BRAP: variants seen among roughly 807,000 people sequenced by gnomAD.
BRAP encodes the protein BRCA1 associated protein.
Under a neutral mutation model 73.4 loss-of-function variants are expected in BRAP, and 42 were observed. The observed-to-expected ratio is 0.57, with a 90% CI of 0.45 to 0.74. The LOEUF is 0.74. Among genes scored for constraint, BRAP ranks in the 30% least tolerant of loss-of-function variants. The probability of loss-of-function intolerance (pLI) is 0.00; values close to 1 mark genes in which losing one functional copy is unlikely to be tolerated. For missense variants in BRAP, 593 were observed against 751.4 expected, an observed-to-expected ratio of 0.79 and a Z score of 2.46; for synonymous variants, 255 against 267.4, an observed-to-expected ratio of 0.95 and a Z score of 0.45.
Position 111,682,999 on chromosome 12 carries a change from G to A in BRAP, c.244+147C>T, listed in dbSNP as rs1264683936. 4.8e-5 allele frequency: 39 copies of A among 814,718 alleles called. No homozygotes were observed. The East Asian group carries it at 1.1e-3, about 22-fold the overall frequency. 50.5% of individuals were successfully genotyped at this position (814,718 alleles called of 1,614,324 possible). A position where few individuals can be genotyped will look rare whatever the true frequency, so the allele number is the denominator to read the frequency against. ...GAAATATTTGGAAACACTAACATGT[G>A]GCTTAACAGTGTCATATAAAGCACA... On this transcript the variant is annotated intron_variant, in intron 2 of 11. Transcript: ENST00000419234.
rs1566116176 is a variant in BRAP at position 111,659,365 on chromosome 12, C to A, written c.973-20G>T. 6.2e-7 allele frequency: 1 copy of A among 1,601,422 alleles called. No homozygotes were observed. Among genetic ancestry groups the A allele is most frequent in the Admixed American group, 1.7e-5 (1 of 58,886 alleles). Reference sequence around the variant, plus strand: ...AAGATTCTGCCGGAAGAGGTAAGATCTTAATTAGTTAAATAAAAATAAATG... The same window carrying A: ...AAGATTCTGCCGGAAGAGGTAAGATATTAATTAGTTAAATAAAAATAAATG... On this transcript the variant is annotated intron_variant, in intron 7 of 11. Transcript: ENST00000419234.
At chr12:111,685,459 G>T in intron 1 of BRAP, 1 of 801,322 alleles carries the variant, frequency 1.2e-6, no homozygotes. Flanking sequence ...TCTCGAGAGG[G>T]AGACGCGCCA....
chr12:111,658,797 A>G lies in BRAP; in HGVS notation c.1160T>C (p.Val387Ala). The change falls in exon 9 of 12, where the codon GTA (valine) becomes GCA (alanine). Residue 387 changes from valine (V) to alanine (A), a missense_variant. This residue lies in a region of BRAP where 143 missense variants were observed against 190.4 expected (regional missense o/e 0.75). Coordinates refer to ENST00000419234, the MANE Select transcript of BRAP (RefSeq NM_006768.5). ...AGTATCCCCCTCACATTCATACTGTACTATTTTTCCATCTGTTTTACTTGC... is the reference window on the plus strand; with the variant it reads ...AGTATCCCCCTCACATTCATACTGTGCTATTTTTCCATCTGTTTTACTTGC... ...LVASKTDGKI[V>A]QYECEGDTCQ... 1.2e-6 allele frequency: 2 copies of G among 1,613,120 alleles called. No homozygotes were observed. The highest frequency in any genetic ancestry group is 2.7e-5 in the African/African-American group (2 of 75,012).
intron 5 of BRAP, among the ~76,000 whole-genome samples, chr12:111,671,961 C>T (rs780893141): frequency 2.0e-5 from 3 of 152,062 alleles, no homozygotes; most frequent in Non-Finnish European, 2.9e-5. Flanking sequence ...TGTGCTCAAG[C>T]GATCCGTCAC....
In BRAP at chr12:111,659,210, C is replaced by T. The variant is rs1315203429; in HGVS notation, c.1108G>A (p.Gly370Arg). 1 of 1,613,706 alleles carries T rather than the reference C, an allele frequency of 6.2e-7. No individual in the cohort carries two copies. Among genetic ancestry groups the T allele is most frequent in the Non-Finnish European group, 8.5e-7 (1 of 1,179,850 alleles). The change falls in exon 8 of 12, where the codon GGA (glycine) becomes AGA (arginine). Residue 370 changes from glycine (G) to arginine (R), a missense_variant. Physicochemically the swap from Gly to Arg is moderately radical, Grantham distance 125. Around this residue, in one of 4 missense-constraint regions of BRAP, gnomAD observed 67 missense variants for 158.0 expected, o/e 0.42. Coordinates refer to ENST00000419234, the MANE Select transcript of BRAP (RefSeq NM_006768.5). ...LTNHRVWDYA[G>R]DNYVHRLVAS... The stretch of plus-strand genomic sequence containing the variant: ...TAGAAAAGAGAGTGGTATTCACCTC[C>T]AGCATAGTCCCAGACTCGATGGTTG...
chr12:111,647,897 A>C (rs1463831606), intron 11 of BRAP, among the ~76,000 whole-genome samples: 1 of 151,890 alleles, frequency 6.6e-6, no homozygotes, highest in Non-Finnish European at 1.5e-5. Context: ...TCTCAAAAAA[A>C]AAAAGAAAAA....
Position 111,644,275 on chromosome 12 carries a change from G to A in BRAP, c.1703C>T (p.Ser568Leu), listed in dbSNP as rs774167522. The A allele has an allele frequency of 8.7e-6, 14 of 1,614,106 alleles. No homozygotes were observed. The highest frequency in any genetic ancestry group is 2.2e-5 in the South Asian group (2 of 91,078). Residue 568 changes from serine to leucine, a missense_variant, in exon 12 of 12, where the codon TCG (serine) becomes TTG (leucine). By Grantham distance (145) the Ser-to-Leu change is moderately radical. Around this residue, in one of 4 missense-constraint regions of BRAP, gnomAD observed 79 missense variants for 65.3 expected, o/e 1.21. Transcript: ENST00000419234. ...QEGQINIAMA[S>L]ASSPASSGGS... ...CCCCGAAGAGGCAGGGCTCGAGGCC[G>A]AGGCCATGGCGATGTTGATCTGTCC... is the stretch of plus-strand genomic sequence containing the variant.
chr12:111,652,005 A>G (rs1886345203), intron 10 of BRAP, among the ~76,000 whole-genome samples: 1 of 152,132 alleles, frequency 6.6e-6, no homozygotes, highest in Admixed American at 6.6e-5. Context: ...CTCAAATTCT[A>G]GTTAGGTATT....
intron 11 of BRAP, among the ~76,000 whole-genome samples, chr12:111,649,018 CAACA>C (rs1325596009): frequency 6.6e-6 from 1 of 151,982 alleles, no homozygotes; most frequent in African/African-American, 2.4e-5. Context: ...ACAACAACAA[CAACA>C]AAAAAAACCC....
In BRAP at chr12:111,648,629, G is replaced by C. The variant is rs374939414; in HGVS notation, c.1415+1310C>G. ...CAGCCTGGCGACAGAGCAAGACTCT[G>C]TCTAAAAATAAAGATGGGCTGGGCA... On this transcript the variant is annotated intron_variant, in intron 11 of 11. Coordinates refer to ENST00000419234, the MANE Select transcript of BRAP (RefSeq NM_006768.5). 0.017 allele frequency among the ~76,000 whole-genome samples: 1,820 copies of C among 110,112 alleles called. 2 individuals carry two copies. In the Middle Eastern group the frequency reaches 0.18, roughly 11 times the overall value. 72.2% of individuals were successfully genotyped at this position (110,112 alleles called of 152,430 possible). A position where few individuals can be genotyped will look rare whatever the true frequency, so the allele number is the denominator to read the frequency against.
intron 11 of BRAP, 90 bp from the exon 12 acceptor site, chr12:111,644,652 C>T (rs1886038316): frequency 1.3e-6 from 2 of 1,527,812 alleles, no homozygotes; most frequent in Non-Finnish European, 1.8e-6. Context: ...GAAACCATGA[C>T]CTCAGAATCC....
At chr12:111,679,388 G>C in intron 3 of BRAP, 48 bp from the exon 4 acceptor site, 1 of 1,312,746 alleles carries the variant, frequency 7.6e-7, no homozygotes, top group Non-Finnish European at 1.0e-6. Flanking sequence ...GGTATGGTTA[G>C]TTTAAACAAT....
chr12:111,658,886 A>G (rs1886635519), intron 8 of BRAP, 41 bp from the exon 9 acceptor site: 4 of 1,502,038 alleles, frequency 2.7e-6, no homozygotes, highest in African/African-American at 2.8e-5. Context: ...TTTAGAATGA[A>G]AAGGGTCTCT....
chr12:111,685,528 T>G, intron 1 of BRAP, 183 bp downstream of exon 1: 6 of 1,312,116 alleles, frequency 4.6e-6, no homozygotes, highest in African/African-American at 1.5e-5. Flanking sequence ...AGGGCTTCCC[T>G]GAGATAACAA....
At position 111,665,708 on chromosome 12, in the gene BRAP, T is replaced by C. The variant is rs1192439731; in HGVS notation, c.827A>G (p.Asn276Ser). Residue 276 changes from asparagine (N) to serine (S), a missense_variant, in exon 6 of 12, where the codon AAT becomes AGT. By Grantham distance (46) the Asn-to-Ser change is conservative. Coordinates refer to ENST00000419234, the MANE Select transcript of BRAP (RefSeq NM_006768.5). This position sits in a 1 kb window ranked among gnomAD's most constrained non-coding sequence, Gnocchi z 4.3. ...GTTACATAACGTTGTGAGGATGCCA[T>C]TCACAGACTCGTCCATGCGCTCCAG... Reference protein sequence around the residue: ...VCLERMDESVNGILTTLCNHS... With the variant: ...VCLERMDESVSGILTTLCNHS... The C allele has an allele frequency of 6.2e-7, 1 of 1,614,226 alleles. No homozygotes were observed. Among genetic ancestry groups the C allele is most frequent in the Non-Finnish European group, 8.5e-7 (1 of 1,180,050 alleles).
At chr12:111,669,519 C>A (rs1008633089) in intron 5 of BRAP, among the ~76,000 whole-genome samples, 1 of 152,136 alleles carries the variant, frequency 6.6e-6, no homozygotes, top group Non-Finnish European at 1.5e-5. Context: ...AGCCACCATG[C>A]CCGGCTTTGC....
chr12:111,656,162 G>A (rs552526814), intron 9 of BRAP, among the ~76,000 whole-genome samples: 1 of 152,352 alleles, frequency 6.6e-6, no homozygotes, highest in South Asian at 2.1e-4. Flanking sequence ...CTCTACTGCT[G>A]TATCTCCAGT....
chr12:111,664,781 A>G (rs564226522), intron 6 of BRAP, among the ~76,000 whole-genome samples: 24 of 152,226 alleles, frequency 1.6e-4, no homozygotes, highest in African/African-American at 5.1e-4. Context: ...GCTTGGGAAC[A>G]TGATCTTCCC....
intron 9 of BRAP, among the ~76,000 whole-genome samples, chr12:111,656,539 A>G (rs1886540828): frequency 6.6e-6 from 1 of 152,170 alleles, no homozygotes; most frequent in Admixed American, 6.6e-5. Context: ...AGGAGTGGCA[A>G]GGTCACATCT....
Sources: gnomAD v4.1 joint callset for allele counts (sites outside exome capture counted in the v4.1 genomes callset) on GRCh38, gnomAD v4.1.1 for gene constraint, gnomAD v4.1.1 regional missense constraint, Gnocchi (gnomAD v3.1) non-coding constraint, MANE v1.5 for transcripts, NCBI Gene and HGNC (gene_info 2026-07-23, HGNC 2026-07-21) for gene names.